The following SLC44A5 variants were observed in gnomAD, a reference collection of about 807,000 sequenced individuals.
SLC44A5 encodes solute carrier family 44 member 5.
SLC44A5 carries 57 observed loss-of-function variants against 101.8 expected under a neutral mutation model. That is an observed-to-expected ratio of 0.56 (90% CI 0.45 to 0.70). SLC44A5 has a LOEUF of 0.70. Ranked by LOEUF, SLC44A5 falls within the 30% of genes least tolerant of loss-of-function variation. The probability of loss-of-function intolerance (pLI) is 0.00; values close to 1 mark genes in which losing one functional copy is unlikely to be tolerated. For missense variants in SLC44A5, 737 were observed against 853.1 expected (o/e 0.86, Z 1.70); for synonymous variants, 281 against 290.9 (o/e 0.97, Z 0.35).
At chr1:75,303,941 A>G (rs545942779) in intron 4 of SLC44A5, among the ~76,000 whole-genome samples, 1 of 152,302 alleles carries the variant, frequency 6.6e-6, no homozygotes, top group African/African-American at 2.4e-5. Flanking sequence ...GTACCCTAGA[A>G]CTTAAAGTAT....
chr1:75,575,367 C>A (rs1337975723), intron 1 of SLC44A5, among the ~76,000 whole-genome samples: 1 of 152,118 alleles, frequency 6.6e-6, no homozygotes, highest in Non-Finnish European at 1.5e-5. Flanking sequence ...TTATAATGTA[C>A]TTATTCTGAT....
chr1:75,353,429 A>G (rs1658833343), intron 3 of SLC44A5, among the ~76,000 whole-genome samples: 1 of 152,168 alleles, frequency 6.6e-6, no homozygotes, highest in African/African-American at 2.4e-5. Flanking sequence ...AATTTAAGAG[A>G]GTCAACTTTA....
chr1:75,241,951 T>C (rs750700102), intron 9 of SLC44A5, 50 bp downstream of exon 9: 2 of 1,472,516 alleles, frequency 1.4e-6, no homozygotes, highest in East Asian at 2.3e-5. Flanking sequence ...CTTAATTAAG[T>C]AGCATTTTGG....
upstream of SLC44A5, among the ~76,000 whole-genome samples, chr1:75,614,774 C>T (rs1271653670): frequency 1.3e-5 from 2 of 152,184 alleles, no homozygotes; most frequent in Non-Finnish European, 2.9e-5. Context: ...CAACTTCGAA[C>T]GACGCCCCTT....
At chr1:75,679,269 A>G in the SLC44A5 span, among the ~76,000 whole-genome samples, 3 of 152,192 alleles carry the variant, frequency 2.0e-5, no homozygotes, top group African/African-American at 7.2e-5. Flanking sequence ...GAACGCCACA[A>G]AGATACTCCT....
chr1:75,206,560 T>C, intron 23 of SLC44A5: 1 of 1,242,846 alleles, frequency 8.0e-7, no homozygotes. Context: ...ATCAACCTAA[T>C]TTACACAACT....
chr1:75,568,714 C>T (rs1434209547), intron 1 of SLC44A5, among the ~76,000 whole-genome samples: 4 of 152,190 alleles, frequency 2.6e-5, no homozygotes, highest in Non-Finnish European at 5.9e-5. Flanking sequence ...AAAATTACCA[C>T]ATCCCTGCAA....
At chr1:75,210,417 A>G (rs1317373227) in intron 23 of SLC44A5, among the ~76,000 whole-genome samples, 1 of 152,136 alleles carries the variant, frequency 6.6e-6, no homozygotes, top group East Asian at 1.9e-4. Context: ...TAGGAGCATC[A>G]TGTATAAGTC....
intron 2 of SLC44A5, among the ~76,000 whole-genome samples, chr1:75,409,922 A>G (rs1223978322): frequency 6.6e-6 from 1 of 152,026 alleles, no homozygotes; most frequent in Non-Finnish European, 1.5e-5. Flanking sequence ...TACATGACAT[A>G]CATACATACA....
intron 4 of SLC44A5, among the ~76,000 whole-genome samples, chr1:75,312,818 C>T (rs915320732): frequency 9.2e-5 from 14 of 151,892 alleles, no homozygotes; most frequent in Non-Finnish European, 1.9e-4. Flanking sequence ...GGAGTTCACT[C>T]GCAACATTTC....
chr1:75,574,660 C>T (rs1044146370), intron 1 of SLC44A5, among the ~76,000 whole-genome samples: 1 of 152,196 alleles, frequency 6.6e-6, no homozygotes, highest in African/African-American at 2.4e-5. Flanking sequence ...TCTACAGTAT[C>T]ACCCAGGTAT....
At chr1:75,608,117 T>C (rs1007447904) in intron 1 of SLC44A5, among the ~76,000 whole-genome samples, 4 of 152,018 alleles carry the variant, frequency 2.6e-5, no homozygotes, top group African/African-American at 4.8e-5. Context: ...TTGTGCCTGG[T>C]TGATTTCACT....
At chr1:75,440,935 A>G (rs1331379933) in intron 2 of SLC44A5, among the ~76,000 whole-genome samples, 1 of 150,994 alleles carries the variant, frequency 6.6e-6, no homozygotes, top group Non-Finnish European at 1.5e-5. Flanking sequence ...TTAATATTAA[A>G]TAATATATTA....
intron 4 of SLC44A5, among the ~76,000 whole-genome samples, chr1:75,321,444 A>G (rs1656135549): frequency 6.8e-6 from 1 of 147,220 alleles, no homozygotes; most frequent in Admixed American, 6.7e-5. Flanking sequence ...CTGTATTGTT[A>G]TATGGCAGAG....
chr1:75,232,435 T>A (rs1647662049), intron 12 of SLC44A5, among the ~76,000 whole-genome samples: 1 of 152,138 alleles, frequency 6.6e-6, no homozygotes, highest in African/African-American at 2.4e-5. Context: ...AAAAACAAGA[T>A]GTTTAAACAA....
the SLC44A5 span, chr1:75,641,411 C>T: frequency 9.3e-7 from 1 of 1,073,438 alleles, no homozygotes; most frequent in Non-Finnish European, 1.4e-6. Context: ...TTGTACATTG[C>T]TTTGTGGAGA....
At chr1:75,534,855 A>G (rs1670909646) in intron 2 of SLC44A5, among the ~76,000 whole-genome samples, 1 of 152,212 alleles carries the variant, frequency 6.6e-6, no homozygotes, top group Admixed American at 6.5e-5. Flanking sequence ...GAGAGAGATA[A>G]ACATCTACTT....
chr1:75,636,651 T>A, the SLC44A5 span, among the ~76,000 whole-genome samples: 1 of 152,096 alleles, frequency 6.6e-6, no homozygotes, highest in African/African-American at 2.4e-5. Flanking sequence ...TATTATTAGC[T>A]TTGCCAATAA....
chr1:75,642,138 G>A, the SLC44A5 span: 7 of 871,662 alleles, frequency 8.0e-6, no homozygotes, highest in East Asian at 1.6e-4. Flanking sequence ...TATTAAAACT[G>A]CCTGTAAATA....
Sources: allele counts gnomAD v4.1 joint callset (sites outside exome capture counted in the v4.1 genomes callset), GRCh38; gene constraint gnomAD v4.1.1; transcripts MANE v1.5; gene names NCBI Gene and HGNC (gene_info 2026-07-23, HGNC 2026-07-21).